The following CACNA2D3 variants were observed in gnomAD, a reference collection of about 807,000 sequenced individuals.
CACNA2D3 encodes the protein voltage-dependent calcium channel subunit alpha-2/delta-3.
CACNA2D3 carries 60 observed loss-of-function variants against 160.6 expected under a neutral mutation model. That is an observed-to-expected ratio of 0.37 (90% confidence interval 0.30 to 0.46). The LOEUF is 0.46. Among genes scored for constraint, CACNA2D3 ranks in the 20% least tolerant of loss-of-function variants. The pLI is 1.00. For synonymous variants in CACNA2D3, 558 were observed against 492.9 expected (o/e 1.13, Z -1.75); for missense variants, 1,205 against 1,365.0 (o/e 0.88, Z 1.85).
At chr3:54,659,982 G>A (rs1164011421) in intron 11 of CACNA2D3, among the ~76,000 whole-genome samples, 1 of 151,956 alleles carries the variant, frequency 6.6e-6, no homozygotes, top group Non-Finnish European at 1.5e-5. Flanking sequence ...TGTATTTAAT[G>A]GCATAGGCAG....
At chr3:54,751,147 C>G (rs1427826938) in intron 11 of CACNA2D3, among the ~76,000 whole-genome samples, 1 of 152,028 alleles carries the variant, frequency 6.6e-6, no homozygotes, top group East Asian at 1.9e-4. Flanking sequence ...AAAACCGTAT[C>G]CTCACTCCCA....
At chr3:54,259,813 A>G (rs1490578482) in intron 2 of CACNA2D3, among the ~76,000 whole-genome samples, 1 of 152,232 alleles carries the variant, frequency 6.6e-6, no homozygotes, top group African/African-American at 2.4e-5. Flanking sequence ...CAAAATAGGG[A>G]TTTCTGAGAA....
At chr3:54,788,454 C>T (rs1299287032) in intron 13 of CACNA2D3, among the ~76,000 whole-genome samples, 1 of 152,154 alleles carries the variant, frequency 6.6e-6, no homozygotes, top group Non-Finnish European at 1.5e-5. Flanking sequence ...GTGGTAATTA[C>T]CTTCCTCTTA....
chr3:54,854,633 C>G (rs755588532), intron 17 of CACNA2D3, among the ~76,000 whole-genome samples: 2 of 152,144 alleles, frequency 1.3e-5, no homozygotes, highest in Non-Finnish European at 2.9e-5. Context: ...GGGTCTCGGG[C>G]CAGGCCTTGT....
At chr3:54,763,768 T>TAC (rs1702143763) in intron 12 of CACNA2D3, among the ~76,000 whole-genome samples, 3 of 9,174 alleles carry the variant, frequency 3.3e-4, no homozygotes, top group Non-Finnish European at 6.8e-4. Flanking sequence ...CACATATATA[T>TAC]GTATATATGT....
chr3:54,932,099 C>T (rs1701204772), intron 27 of CACNA2D3, among the ~76,000 whole-genome samples: 1 of 151,982 alleles, frequency 6.6e-6, no homozygotes, highest in South Asian at 2.1e-4. Flanking sequence ...GGAGGATCAC[C>T]TGAGCCCAAG....
At chr3:54,459,580 G>A (rs1379992143) in intron 4 of CACNA2D3, among the ~76,000 whole-genome samples, 1 of 152,154 alleles carries the variant, frequency 6.6e-6, no homozygotes, top group Non-Finnish European at 1.5e-5. Context: ...CTTTTGAGAA[G>A]TGTCTGTTCA....
At chr3:54,862,089 G>A (rs1445208612) in intron 17 of CACNA2D3, among the ~76,000 whole-genome samples, 1 of 152,138 alleles carries the variant, frequency 6.6e-6, no homozygotes, top group Non-Finnish European at 1.5e-5. Flanking sequence ...GCTCAGTTTG[G>A]TAGTCGGAAC....
chr3:54,311,354 G>A (rs760923122), intron 2 of CACNA2D3, among the ~76,000 whole-genome samples: 42 of 152,138 alleles, frequency 2.8e-4, no homozygotes, highest in Non-Finnish European at 5.3e-4. Context: ...CAGATGTCCT[G>A]CCTCATAATG....
intron 3 of CACNA2D3, among the ~76,000 whole-genome samples, chr3:54,340,186 G>A (rs1704483924): frequency 6.6e-6 from 1 of 152,148 alleles, no homozygotes; most frequent in Admixed American, 6.5e-5. Flanking sequence ...TGTGCTGATA[G>A]TGTTCCCTAC....
chr3:54,604,691 A>G (rs1185868553), intron 9 of CACNA2D3, among the ~76,000 whole-genome samples: 1 of 152,042 alleles, frequency 6.6e-6, no homozygotes, highest in Non-Finnish European at 1.5e-5. Flanking sequence ...CTGAGCCACC[A>G]TTCTCTGTTT....
intron 27 of CACNA2D3, among the ~76,000 whole-genome samples, chr3:54,942,327 G>T (rs1701492076): frequency 6.6e-6 from 1 of 152,212 alleles, no homozygotes; most frequent in African/African-American, 2.4e-5. Flanking sequence ...AGAAGTAGGG[G>T]CTGACCTCTC....
chr3:54,825,893 A>G (rs1340748670), intron 14 of CACNA2D3, among the ~76,000 whole-genome samples: 4 of 152,162 alleles, frequency 2.6e-5, no homozygotes, highest in Non-Finnish European at 5.9e-5. Context: ...ATAGGAAGGG[A>G]TTTCCTGTGT....
chr3:54,918,868 C>T, intron 27 of CACNA2D3: 1 of 1,554,112 alleles, frequency 6.4e-7, no homozygotes, highest in Non-Finnish European at 8.7e-7. Flanking sequence ...TGGTGATTCA[C>T]AGATGATGCC....
chr3:54,822,794 T>TCTTTCTTTCTTTC (rs1703655449), intron 14 of CACNA2D3, among the ~76,000 whole-genome samples: 7 of 63,280 alleles, frequency 1.1e-4, no homozygotes, highest in South Asian at 5.7e-4. Context: ...TTCTTTCCTT[T>TCTTTCTTTCTTTC]CTTTCTTTCT....
At chr3:54,943,213 A>AAG (rs1654962681) in intron 27 of CACNA2D3, among the ~76,000 whole-genome samples, 1 of 151,598 alleles carries the variant, frequency 6.6e-6, no homozygotes, top group South Asian at 2.1e-4. Flanking sequence ...TAAAAAAAAA[A>AAG]AAAATGAGAA....
chr3:54,455,860 C>A (rs1450596088), intron 4 of CACNA2D3, among the ~76,000 whole-genome samples: 1 of 152,000 alleles, frequency 6.6e-6, no homozygotes, highest in Admixed American at 6.6e-5. Flanking sequence ...GTTGTTGGCA[C>A]CTTTGTGGGA....
intron 11 of CACNA2D3, among the ~76,000 whole-genome samples, chr3:54,729,159 G>A (rs1701334975): frequency 6.6e-6 from 1 of 152,022 alleles, no homozygotes; most frequent in Non-Finnish European, 1.5e-5. Flanking sequence ...GGCCTCATGT[G>A]ATCCACCCGC....
chr3:54,464,192 C>T (rs1428460600), intron 4 of CACNA2D3, among the ~76,000 whole-genome samples: 1 of 152,204 alleles, frequency 6.6e-6, no homozygotes, highest in Non-Finnish European at 1.5e-5. Context: ...CTGGGGGGTG[C>T]CTCCTAGTTA....
Sources: allele counts gnomAD v4.1 joint callset (sites outside exome capture counted in the v4.1 genomes callset), GRCh38; gene constraint gnomAD v4.1.1; transcripts MANE v1.5; gene names NCBI Gene and HGNC (gene_info 2026-07-23, HGNC 2026-07-21).